ARB2A: variants seen among roughly 807,000 people sequenced by gnomAD.
ARB2A encodes ARB2 cotranscriptional regulator A.
At chr5:93,639,272 G>A in the ARB2A span, among the ~76,000 whole-genome samples, 1 of 152,186 alleles carries the variant, frequency 6.6e-6, no homozygotes, top group Non-Finnish European at 1.5e-5. Flanking sequence ...AGCTTCTGGA[G>A]AATCAGTTAC....
the ARB2A span, among the ~76,000 whole-genome samples, chr5:94,034,729 G>T: frequency 6.6e-6 from 1 of 152,092 alleles, no homozygotes; most frequent in Non-Finnish European, 1.5e-5. Context: ...TTCTGACAAG[G>T]CACAATGTTG....
At chr5:93,855,199 G>T in the ARB2A span, among the ~76,000 whole-genome samples, 821 of 152,158 alleles carry the variant, frequency 5.4e-3, 6 homozygotes, top group African/African-American at 0.018. Flanking sequence ...ATTGATCCCT[G>T]TACCATTATG....
the ARB2A span, among the ~76,000 whole-genome samples, chr5:93,783,324 C>G: frequency 1.3e-5 from 2 of 152,020 alleles, no homozygotes; most frequent in Admixed American, 1.3e-4. Flanking sequence ...ATTAAGAGGA[C>G]TGGAATAAAA....
chr5:94,046,441 G>A, the ARB2A span, among the ~76,000 whole-genome samples: 1,970 of 152,174 alleles, frequency 0.013, 22 homozygotes, highest in Admixed American at 0.025. Flanking sequence ...GGGAGGAGGG[G>A]GAACAGTGGG....
chr5:93,968,569 T>C, the ARB2A span, among the ~76,000 whole-genome samples: 1 of 151,834 alleles, frequency 6.6e-6, no homozygotes, highest in African/African-American at 2.4e-5. Flanking sequence ...TAGAGAACTG[T>C]GGGGCAATCA....
chr5:93,830,735 A>T, the ARB2A span, among the ~76,000 whole-genome samples: 1 of 152,270 alleles, frequency 6.6e-6, no homozygotes. Context: ...CCTTTTTGAC[A>T]TCAGGGACCA....
chr5:93,932,548 C>G, the ARB2A span, among the ~76,000 whole-genome samples: 1 of 152,154 alleles, frequency 6.6e-6, no homozygotes, highest in African/African-American at 2.4e-5. Context: ...TCTATGCAAG[C>G]ATACATAGAG....
the ARB2A span, among the ~76,000 whole-genome samples, chr5:93,927,039 GAAAA>G: frequency 8.0e-6 from 1 of 125,680 alleles, no homozygotes; most frequent in African/African-American, 2.9e-5. Flanking sequence ...GAATGTGCCA[GAAAA>G]AAAAAAAAAA....
the ARB2A span, among the ~76,000 whole-genome samples, chr5:93,909,652 T>G: frequency 5.1e-4 from 77 of 150,912 alleles, no homozygotes; most frequent in African/African-American, 1.9e-3. Context: ...TAAAACTAAT[T>G]TACTATTTTC....
chr5:93,955,853 A>G, the ARB2A span, among the ~76,000 whole-genome samples: 1 of 152,234 alleles, frequency 6.6e-6, no homozygotes, highest in East Asian at 1.9e-4. Flanking sequence ...ATCTGCTCCT[A>G]CCACTGCCTC....
chr5:93,740,425 C>T, the ARB2A span: 1 of 783,126 alleles, frequency 1.3e-6, no homozygotes. Flanking sequence ...GAACAATTCC[C>T]ACCCCCATTC....
chr5:93,808,820 G>T, the ARB2A span, among the ~76,000 whole-genome samples: 2 of 151,658 alleles, frequency 1.3e-5, no homozygotes, highest in African/African-American at 4.8e-5. Flanking sequence ...TTTATTTTTT[G>T]TTTTTATTAA....
At chr5:93,904,270 AT>A in the ARB2A span, among the ~76,000 whole-genome samples, 1 of 151,896 alleles carries the variant, frequency 6.6e-6, no homozygotes, top group Non-Finnish European at 1.5e-5. Context: ...TAGGCAACAA[AT>A]TCTAGCTTTC....
At chr5:93,666,482 G>C in the ARB2A span, among the ~76,000 whole-genome samples, 1 of 150,084 alleles carries the variant, frequency 6.7e-6, no homozygotes, top group Non-Finnish European at 1.5e-5. Flanking sequence ...ATTAATCAAA[G>C]GATCAAAATA....
chr5:93,685,038 G>A, the ARB2A span, among the ~76,000 whole-genome samples: 9 of 152,284 alleles, frequency 5.9e-5, no homozygotes, highest in Middle Eastern at 3.4e-3. Context: ...TCTGTAAAGT[G>A]CCTCATTGTG....
the ARB2A span, chr5:93,805,237 G>A: frequency 2.0e-6 from 2 of 984,822 alleles, no homozygotes; most frequent in Non-Finnish European, 2.4e-6. Context: ...TTTCTTCTAT[G>A]ATTTAAAAAT....
chr5:93,810,198 T>G, the ARB2A span, among the ~76,000 whole-genome samples: 6 of 151,106 alleles, frequency 4.0e-5, no homozygotes, highest in South Asian at 2.1e-4. Flanking sequence ...AGGTTTCGTT[T>G]TTTTTTTTTT....
the ARB2A span, among the ~76,000 whole-genome samples, chr5:93,787,768 A>T: frequency 6.6e-6 from 1 of 152,192 alleles, no homozygotes; most frequent in Non-Finnish European, 1.5e-5. Flanking sequence ...ACATTTTTTT[A>T]AATGGTAAAA....
At chr5:94,099,863 C>T in the ARB2A span, among the ~76,000 whole-genome samples, 3 of 152,044 alleles carry the variant, frequency 2.0e-5, no homozygotes, top group African/African-American at 7.2e-5. Context: ...TGGAAGCATT[C>T]CCCTGAAAAC....
Sources: allele counts gnomAD v4.1 joint callset (sites outside exome capture counted in the v4.1 genomes callset), GRCh38; gene constraint gnomAD v4.1.1; transcripts MANE v1.5; gene names NCBI Gene and HGNC (gene_info 2026-07-23, HGNC 2026-07-21).